The following ARHGEF12 variants were observed in gnomAD, a reference collection of about 807,000 sequenced individuals.
The protein encoded by ARHGEF12 is KMT2A/ARHGEF12 fusion protein.
ARHGEF12 carries 66 observed loss-of-function variants against 211.2 expected under a neutral mutation model. The observed-to-expected ratio is 0.31, with a 90% confidence interval of 0.26 to 0.38. ARHGEF12 has a LOEUF of 0.38. Among genes scored for constraint, ARHGEF12 ranks in the 10% least tolerant of loss-of-function variants. The probability of loss-of-function intolerance (pLI) is 1.00; values close to 1 mark genes in which losing one functional copy is unlikely to be tolerated. For missense variants in ARHGEF12, 1,429 were observed against 1,869.5 expected (o/e 0.76, Z 4.34); for synonymous variants, 592 against 638.4 (o/e 0.93, Z 1.09).
At chr11:120,385,501 T>C (rs1359642986) in intron 1 of ARHGEF12, 2 of 985,282 alleles carry the variant, frequency 2.0e-6, no homozygotes, top group Non-Finnish European at 2.4e-6. Flanking sequence ...TCTACTGCAG[T>C]CTTTGTTTTC....
At position 120,480,376 on chromosome 11, in the gene ARHGEF12, G is replaced by A. The variant is rs1442033853; in HGVS notation, c.4183G>A (p.Glu1395Lys). The change falls in exon 38 of 41, where the codon GAA becomes AAA. Residue 1395 changes from glutamate (E) to lysine (K), a missense_variant. This residue lies in a region of ARHGEF12 where 467 missense variants were observed against 468.4 expected (regional missense o/e 1.00). Transcript: ENST00000397843. ...AGCACATAGTGATGAGAATCCATCA[G>A]AAGGTGATGGAGCAGTTAACAAGGA... is the stretch of plus-strand genomic sequence containing the variant. ...REAHSDENPSEGDGAVNKEEK... is the reference protein window; with the variant it reads ...REAHSDENPSKGDGAVNKEEK... The A allele has an allele frequency of 6.2e-7, 1 of 1,613,996 alleles. No individual in the cohort carries two copies. Among genetic ancestry groups the A allele is most frequent in the African/African-American group, 1.3e-5 (1 of 74,938 alleles).
chr11:120,448,984 C>T, intron 20 of ARHGEF12, 125 bp from the exon 21 acceptor site: 1 of 740,204 alleles, frequency 1.4e-6, no homozygotes, highest in Non-Finnish European at 2.2e-6. Flanking sequence ...TGTGCATACA[C>T]ACGTGTACGG....
chr11:120,464,314 C>T (rs753209246), intron 27 of ARHGEF12: 3 of 152,246 alleles, frequency 2.0e-5, no homozygotes, highest in Non-Finnish European at 2.9e-5. Flanking sequence ...TGTAGTGGCT[C>T]ATGCCCATAA....
intron 1 of ARHGEF12, among the ~76,000 whole-genome samples, chr11:120,356,346 A>G (rs1419308199): frequency 6.6e-6 from 1 of 152,154 alleles, no homozygotes; most frequent in Non-Finnish European, 1.5e-5. Flanking sequence ...TGAGCCACCC[A>G]GGTGGCTAGG....
At chr11:120,409,596 G>A (rs935060227) in intron 4 of ARHGEF12, 146 bp downstream of exon 4, 5 of 750,560 alleles carry the variant, frequency 6.7e-6, no homozygotes, top group African/African-American at 3.6e-5. Flanking sequence ...CTACTGCAGG[G>A]AAAGGGAGCC....
rs149904158 is a variant in ARHGEF12, at chr11:120,469,278, C to T, written c.2855-10C>T. ...TTCTTTTACATTTTGGATTTCTTTC[C>T]CATATTTAGAATGGCCAACAGAAAG... On this transcript the variant is annotated splice_polypyrimidine_tract_variant and intron_variant, in intron 29 of 40. Transcript: ENST00000397843. 6.8e-4 allele frequency: 1,083 copies of T among 1,592,900 alleles called. 3 individuals carry two copies. The African/African-American group carries it at 0.012, about 18-fold the overall frequency.
intron 21 of ARHGEF12, chr11:120,449,776 T>C (rs1946151208): frequency 6.6e-6 from 1 of 151,884 alleles, no homozygotes; most frequent in African/African-American, 2.4e-5. Flanking sequence ...CAAATGTCCG[T>C]AACATAGTTT....
chr11:120,357,037 T>C (rs973824364), intron 1 of ARHGEF12, among the ~76,000 whole-genome samples: 2 of 151,830 alleles, frequency 1.3e-5, no homozygotes, highest in African/African-American at 4.8e-5. Flanking sequence ...TTTTGTTTTG[T>C]TTTTTTTGAG....
At chr11:120,419,172 G>A (rs1447869726) in intron 4 of ARHGEF12, among the ~76,000 whole-genome samples, 2 of 151,878 alleles carry the variant, frequency 1.3e-5, no homozygotes, top group Non-Finnish European at 2.9e-5. Context: ...GTGTTAGCCA[G>A]GATGGTCTCG....
chr11:120,440,355 C>G, intron 13 of ARHGEF12, 134 bp downstream of exon 13: 1 of 686,456 alleles, frequency 1.5e-6, no homozygotes, highest in East Asian at 2.8e-5. Flanking sequence ...ACCAATAGCT[C>G]CTTGGGTTAA....
intron 4 of ARHGEF12, among the ~76,000 whole-genome samples, chr11:120,414,528 C>T (rs1944973771): frequency 6.6e-6 from 1 of 152,018 alleles, no homozygotes; most frequent in Non-Finnish European, 1.5e-5. Context: ...CATAGAGATA[C>T]AAAGATATAA....
At chr11:120,359,524 A>G (rs990079542) in intron 1 of ARHGEF12, among the ~76,000 whole-genome samples, 4 of 152,218 alleles carry the variant, frequency 2.6e-5, no homozygotes, top group African/African-American at 4.8e-5. Flanking sequence ...TTACAGGCAT[A>G]AGCCAAAGTG....
chr11:120,402,818 G>C (rs1944581426), intron 1 of ARHGEF12, among the ~76,000 whole-genome samples: 1 of 149,840 alleles, frequency 6.7e-6, no homozygotes, highest in African/African-American at 2.4e-5. Context: ...TTTCTAGCAG[G>C]CTATTTATTA....
At chr11:120,350,406 TG>T (rs990815305) in intron 1 of ARHGEF12, among the ~76,000 whole-genome samples, 1 of 151,130 alleles carries the variant, frequency 6.6e-6, no homozygotes, top group Non-Finnish European at 1.5e-5. Context: ...TCCCAGCTGC[TG>T]GGGAGGCTGA....
At chr11:120,446,346 A>G (rs1475773822) in intron 16 of ARHGEF12, 57 bp from the exon 17 acceptor site, 1 of 1,369,760 alleles carries the variant, frequency 7.3e-7, no homozygotes, top group Non-Finnish European at 1.0e-6. Context: ...CTATGTTGCC[A>G]ATTGTATGTT....
intron 1 of ARHGEF12, among the ~76,000 whole-genome samples, chr11:120,369,767 C>T (rs1156478080): frequency 6.6e-6 from 1 of 152,078 alleles, no homozygotes; most frequent in Non-Finnish European, 1.5e-5. Flanking sequence ...TTTCTTTTTT[C>T]GTCTTATACT....
chr11:120,408,707 G>C (rs1461576520), intron 3 of ARHGEF12: 2 of 151,732 alleles, frequency 1.3e-5, no homozygotes, highest in Non-Finnish European at 2.9e-5. Flanking sequence ...TACTTTATTA[G>C]TATAAACTCC....
chr11:120,475,729 T>A (rs1179258198), intron 33 of ARHGEF12, among the ~76,000 whole-genome samples: 1 of 109,258 alleles, frequency 9.2e-6, no homozygotes, highest in Non-Finnish European at 2.0e-5. Flanking sequence ...TTTGAAAATT[T>A]TTATGCTATT....
intron 1 of ARHGEF12, among the ~76,000 whole-genome samples, chr11:120,344,092 C>T (rs1405115464): frequency 6.6e-6 from 1 of 151,644 alleles, no homozygotes; most frequent in African/African-American, 2.4e-5. Context: ...ATGGTGAAAC[C>T]CTGTCTCTAT....
Sources: gnomAD v4.1 joint callset for allele counts (sites outside exome capture counted in the v4.1 genomes callset) on GRCh38, gnomAD v4.1.1 for gene constraint, gnomAD v4.1.1 regional missense constraint, MANE v1.5 for transcripts, NCBI Gene and HGNC (gene_info 2026-07-23, HGNC 2026-07-21) for gene names.